RGS17: variants seen among roughly 807,000 people sequenced by gnomAD.
The protein encoded by RGS17 is regulator of G protein signaling 17.
A neutral mutation model predicts 25.5 loss-of-function variants in RGS17; 12 were observed. That is an observed-to-expected ratio of 0.47 (90% CI 0.30 to 0.76). The LOEUF (loss-of-function observed/expected upper bound fraction) is 0.76, where lower values mean the gene tolerates loss of function less well. RGS17 is among the 30% of genes least tolerant of loss of function. The pLI, the probability that RGS17 is intolerant of heterozygous loss-of-function variation, is 0.07. For synonymous variants in RGS17, 71 were observed against 76.9 expected (o/e 0.92, Z 0.40); for missense variants, 196 against 242.2 (o/e 0.81, Z 1.27).
rs1023499350 is a variant in RGS17, at chr6:153,006,719, C to T, written c.*4855G>A. 6.6e-6 allele frequency: 1 copy of T among 152,070 alleles called. No individual in the cohort carries two copies. The highest frequency in any genetic ancestry group is 1.5e-5 in the Non-Finnish European group (1 of 67,994). The allele number at this position is 152,070 out of a possible 1,614,324, so 9.4% of individuals were successfully genotyped here. A position where few individuals can be genotyped will look rare whatever the true frequency, so the allele number is the denominator to read the frequency against. On this transcript the variant is annotated 3_prime_UTR_variant, in exon 5 of 5. Coordinates refer to ENST00000206262, the MANE Select transcript of RGS17 (RefSeq NM_012419.5). ...ACTTTGATAAAATAATAATGTATGC[C>T]ACACTTTATTCTTTCCACGTTTGTT...
intron 1 of RGS17, among the ~76,000 whole-genome samples, chr6:153,101,485 T>A (rs1562334291): frequency 6.6e-6 from 1 of 152,216 alleles, no homozygotes; most frequent in East Asian, 1.9e-4. Context: ...TTAAAAGTGA[T>A]GGCAGATGTC....
intron 1 of RGS17, among the ~76,000 whole-genome samples, chr6:153,069,009 C>T (rs369627519): frequency 8.5e-5 from 13 of 152,216 alleles, no homozygotes; most frequent in South Asian, 2.1e-4. Context: ...TTGCTGAGAA[C>T]GTAAATTACT....
intron 1 of RGS17, among the ~76,000 whole-genome samples, chr6:153,048,127 C>T (rs1477034106): frequency 1.3e-5 from 2 of 152,194 alleles, no homozygotes; most frequent in African/African-American, 2.4e-5. Context: ...ATCCAACTAC[C>T]TACTCAATAT....
intron 2 of RGS17, among the ~76,000 whole-genome samples, chr6:153,034,192 T>C (rs774657175): frequency 8.5e-5 from 13 of 152,186 alleles, no homozygotes; most frequent in Non-Finnish European, 1.8e-4. Flanking sequence ...ACGTATGGGA[T>C]GAATGTGCGG....
At chr6:153,102,867 A>C (rs1285310799) in intron 1 of RGS17, among the ~76,000 whole-genome samples, 4 of 152,218 alleles carry the variant, frequency 2.6e-5, no homozygotes, top group Non-Finnish European at 4.4e-5. Context: ...TATGCATTCT[A>C]TCTTAAAATA....
chr6:153,011,421 GAT>G lies in RGS17; in HGVS notation c.*151_*152del. On this transcript the variant is annotated 3_prime_UTR_variant, in exon 5 of 5. Coordinates refer to ENST00000206262, the MANE Select transcript of RGS17 (RefSeq NM_012419.5). ...TCCAAACTTAACCATGGAAAACCTT[GAT>G]AAAAATGGAGACAAAGACCATAACG... is the stretch of plus-strand genomic sequence containing the variant. 1.7e-6 allele frequency: 1 copy of G among 591,638 alleles called. No individual in the cohort carries two copies. Among genetic ancestry groups the G allele is most frequent in the Non-Finnish European group, 3.0e-6 (1 of 337,708 alleles). 36.6% of individuals were successfully genotyped at this position (591,638 alleles called of 1,614,324 possible). A position where few individuals can be genotyped will look rare whatever the true frequency, so the allele number is the denominator to read the frequency against.
chr6:153,077,898 G>A (rs1194645114), intron 1 of RGS17, among the ~76,000 whole-genome samples: 2 of 149,468 alleles, frequency 1.3e-5, no homozygotes, highest in African/African-American at 2.5e-5. Context: ...TTTTGAGACA[G>A]AGACTCGCTC....
chr6:153,083,531 T>C (rs558081844), intron 1 of RGS17, among the ~76,000 whole-genome samples: 6 of 152,350 alleles, frequency 3.9e-5, no homozygotes, highest in African/African-American at 9.6e-5. Flanking sequence ...GAGTGGTAAG[T>C]CTGTTTTTAT....
intron 1 of RGS17, among the ~76,000 whole-genome samples, chr6:153,122,943 C>T (rs527497581): frequency 3.3e-5 from 5 of 151,238 alleles, no homozygotes; most frequent in Non-Finnish European, 7.4e-5. Context: ...CTCCAATGTA[C>T]ATTGGAGTAA....
rs192850363 is a variant in RGS17 at position 153,123,809 on chromosome 6, C to T, written c.-26+7315G>A. ...CCCTTTTGTTCATCCCCTACACCAG[C>T]GTTTTAGAATATCTTACATTACAAT... is the stretch of plus-strand genomic sequence containing the variant. On this transcript the variant is annotated intron_variant, in intron 1 of 4. Coordinates refer to ENST00000206262, the MANE Select transcript of RGS17 (RefSeq NM_012419.5). Among the ~76,000 whole-genome samples the T allele has an allele frequency of 2.0e-3, 305 of 152,292 alleles. 1 individual carries two copies. The highest frequency in any genetic ancestry group is 6.8e-3 in the African/African-American group (283 of 41,564).
intron 1 of RGS17, among the ~76,000 whole-genome samples, chr6:153,122,933 C>T (rs994198178): frequency 6.6e-6 from 1 of 151,512 alleles, no homozygotes; most frequent in Non-Finnish European, 1.5e-5. Flanking sequence ...AAGCCTTTTA[C>T]TCCAATGTAC....
At chr6:153,020,159 T>C (rs1779233782) in intron 4 of RGS17, among the ~76,000 whole-genome samples, 2 of 84,514 alleles carry the variant, frequency 2.4e-5, no homozygotes, top group African/African-American at 4.9e-5. Flanking sequence ...TTTTTTTTTT[T>C]TTTTTTTTTT....
chr6:153,124,464 T>C (rs1192967536), intron 1 of RGS17, among the ~76,000 whole-genome samples: 1 of 152,248 alleles, frequency 6.6e-6, no homozygotes, highest in Non-Finnish European at 1.5e-5. Context: ...CAAGCCCTTA[T>C]TGTTTACATG....
chr6:153,026,968 C>T (rs1369497956), intron 2 of RGS17, among the ~76,000 whole-genome samples: 5 of 152,152 alleles, frequency 3.3e-5, no homozygotes, highest in East Asian at 3.9e-4. Context: ...TAATTTTCCC[C>T]GATTGAGAGC....
At chr6:153,126,877 T>C (rs1777711730) in intron 1 of RGS17, among the ~76,000 whole-genome samples, 1 of 152,158 alleles carries the variant, frequency 6.6e-6, no homozygotes, top group Non-Finnish European at 1.5e-5. Context: ...GCATTAAAAA[T>C]ATCAATTTTA....
intron 1 of RGS17, among the ~76,000 whole-genome samples, chr6:153,047,018 A>C (rs9397124): frequency 0.39 from 58,789 of 152,030 alleles, 12,101 homozygotes; most frequent in East Asian, 0.62. Flanking sequence ...GCTTTGATTG[A>C]CAGTGGACTT....
At chr6:153,079,911 T>G (rs10872697) in intron 1 of RGS17, among the ~76,000 whole-genome samples, 79,311 of 151,946 alleles carry the variant, frequency 0.52, 21,141 homozygotes, top group Non-Finnish European at 0.57. Flanking sequence ...TTGGACCTTA[T>G]TTGGGGAGAA....
At position 153,054,077 on chromosome 6, in the gene RGS17, TACACACA is replaced by T. The variant is rs1562321621; in HGVS notation, c.-25-10041_-25-10035del. Among the ~76,000 whole-genome samples, 15 of 50,922 alleles carry T rather than the reference TACACACA, an allele frequency of 2.9e-4. 1 individual carries two copies. Among genetic ancestry groups the T allele is most frequent in the Admixed American group, 9.8e-4 (3 of 3,070 alleles). The allele number at this position is 50,922 out of a possible 152,430, so 33.4% of individuals were successfully genotyped here. ...TATATAATATATATACATATATATATACACACAATATTTTTTATATATATATATATAT... is the reference window on the plus strand; with the variant it reads ...TATATAATATATATACATATATATATATATTTTTTATATATATATATATAT... On this transcript the variant is annotated intron_variant, in intron 1 of 4. Coordinates refer to ENST00000206262, the MANE Select transcript of RGS17 (RefSeq NM_012419.5).
At chr6:153,028,180 C>T (rs536536998) in intron 2 of RGS17, among the ~76,000 whole-genome samples, 13 of 152,266 alleles carry the variant, frequency 8.5e-5, no homozygotes, top group African/African-American at 2.6e-4. Flanking sequence ...TAGTGAAATA[C>T]ATTGAGTTTG....
Sources: allele counts gnomAD v4.1 joint callset (sites outside exome capture counted in the v4.1 genomes callset), GRCh38; gene constraint gnomAD v4.1.1; transcripts MANE v1.5; gene names NCBI Gene and HGNC (gene_info 2026-07-23, HGNC 2026-07-21).